The following TTYH2 variants were observed in gnomAD, a reference collection of about 807,000 sequenced individuals.
The protein encoded by TTYH2 is tweety family member 2, also known as protein tweety homolog 2.
TTYH2 carries 49 observed loss-of-function variants against 68.3 expected under a neutral mutation model. The observed-to-expected ratio is 0.72, with a 90% CI of 0.57 to 0.91. The LOEUF (loss-of-function observed/expected upper bound fraction) is 0.91, where lower values mean the gene tolerates loss of function less well. TTYH2 is among the 40% of genes least tolerant of loss of function. The pLI is 0.00. For synonymous variants in TTYH2, 272 were observed against 300.8 expected (o/e 0.90, Z 0.99); for missense variants, 631 against 700.4 (o/e 0.90, Z 1.12).
intron 6 of TTYH2, among the ~76,000 whole-genome samples, chr17:74,244,758 G>A (rs1423125288): frequency 6.6e-6 from 1 of 152,212 alleles, no homozygotes; most frequent in Non-Finnish European, 1.5e-5. Flanking sequence ...CGGAAGCCAA[G>A]AGGACGTGAT....
At chr17:74,258,379 C>T (rs562614479) in intron 13 of TTYH2, among the ~76,000 whole-genome samples, 1 of 150,748 alleles carries the variant, frequency 6.6e-6, no homozygotes, top group Non-Finnish European at 1.5e-5. Flanking sequence ...GATTCTCCTG[C>T]CTCAGCCTCC....
chr17:74,245,305 G>A (rs888417585), intron 6 of TTYH2, among the ~76,000 whole-genome samples: 3 of 152,262 alleles, frequency 2.0e-5, no homozygotes, highest in Admixed American at 6.5e-5. Flanking sequence ...GAGCTGGGAC[G>A]GCTGTAAACA....
chr17:74,224,058 C>T (rs560049380), intron 2 of TTYH2, among the ~76,000 whole-genome samples: 17 of 152,324 alleles, frequency 1.1e-4, no homozygotes, highest in South Asian at 2.1e-4. Flanking sequence ...CGGGAGGTCA[C>T]AGTCGAGTGC....
intron 2 of TTYH2, among the ~76,000 whole-genome samples, chr17:74,227,983 C>CTTTTTTTTTTT (rs35080135): frequency 0.011 from 1,243 of 112,382 alleles, 156 homozygotes; most frequent in African/African-American, 0.054. Flanking sequence ...TCTTTTCTTT[C>CTTTTTTTTTTT]TTTTTTTTTT....
chr17:74,228,456 C>T (rs2050354667), intron 2 of TTYH2, among the ~76,000 whole-genome samples: 1 of 152,152 alleles, frequency 6.6e-6, no homozygotes, highest in African/African-American at 2.4e-5. Flanking sequence ...CAGATGGTCT[C>T]AAGTGGTGCA....
intron 2 of TTYH2, among the ~76,000 whole-genome samples, chr17:74,229,545 T>C (rs1235054138): frequency 6.6e-6 from 1 of 151,558 alleles, no homozygotes; most frequent in African/African-American, 2.4e-5. Context: ...GTTCCTCAGC[T>C]CAAGTCAAAA....
At position 74,232,195 on chromosome 17, in the gene TTYH2, A is replaced by G. The variant is rs1323943955; in HGVS notation, c.414+1196A>G. Among the ~76,000 whole-genome samples the G allele has an allele frequency of 6.6e-6, 1 of 152,162 alleles. No homozygotes were observed. On this transcript the variant is annotated intron_variant, in intron 3 of 13. Transcript: ENST00000269346. The surrounding 1 kb of genome is among the most constrained non-coding windows in gnomAD (Gnocchi z 5.1). ...ATCCTCCAGAAGAGGATTGGACCCCATTTGCCCCCCTCCTGCTCCCTTAAG... is the reference window on the plus strand; with the variant it reads ...ATCCTCCAGAAGAGGATTGGACCCCGTTTGCCCCCCTCCTGCTCCCTTAAG...
intron 13 of TTYH2, among the ~76,000 whole-genome samples, chr17:74,254,627 G>GA (rs1367244924): frequency 2.0e-5 from 3 of 152,170 alleles, no homozygotes; most frequent in South Asian, 2.1e-4. Context: ...TCCCAGACCT[G>GA]AAAAAACCAT....
At chr17:74,227,826 C>T (rs1231936359) in intron 2 of TTYH2, among the ~76,000 whole-genome samples, 1 of 151,230 alleles carries the variant, frequency 6.6e-6, no homozygotes, top group African/African-American at 2.4e-5. Context: ...TTAAAAGGCA[C>T]ATTCCCAGAC....
chr17:74,246,216 G>A (rs2050556313), intron 6 of TTYH2, among the ~76,000 whole-genome samples: 1 of 152,172 alleles, frequency 6.6e-6, no homozygotes, highest in South Asian at 2.1e-4. Context: ...CTCCAGCTAA[G>A]GGGCAGCCAG....
At chr17:74,258,827 G>A (rs1282396606) in intron 13 of TTYH2, among the ~76,000 whole-genome samples, 7 of 152,040 alleles carry the variant, frequency 4.6e-5, no homozygotes, top group African/African-American at 1.7e-4. Flanking sequence ...GCCCCTGGGA[G>A]GTAAAAACAT....
intron 4 of TTYH2, 98 bp downstream of exon 4, chr17:74,237,612 C>T (rs2050457247): frequency 9.2e-7 from 1 of 1,086,440 alleles, no homozygotes; most frequent in African/African-American, 1.6e-5. Context: ...AGAAGGGCCA[C>T]TGGAAAGTAT....
chr17:74,251,846 T>C, intron 10 of TTYH2: 1 of 209,696 alleles, frequency 4.8e-6, no homozygotes, highest in East Asian at 1.3e-4. Flanking sequence ...TGCTGGCCTA[T>C]GTTCTCTCTC....
rs986283892 is a variant in TTYH2 at position 74,217,552 on chromosome 17, C to T, written c.129+3836C>T. ...GAGGTTGGGATGAGGAAGCCCCATT[C>T]ATCCAGTGTGAAATTGAGTCACGGT... On this transcript the variant is annotated intron_variant, in intron 1 of 13. Transcript: ENST00000269346. The surrounding 1 kb of genome is among the most constrained non-coding windows in gnomAD (Gnocchi z 4.0). Among the ~76,000 whole-genome samples, 4 of 152,196 alleles carry T rather than the reference C, an allele frequency of 2.6e-5. No homozygotes were observed. Among genetic ancestry groups the T allele is most frequent in the African/African-American group, 9.7e-5 (4 of 41,446 alleles).
At chr17:74,219,962 AT>A (rs535589474) in intron 1 of TTYH2, among the ~76,000 whole-genome samples, 3,741 of 135,546 alleles carry the variant, frequency 0.028, 57 homozygotes, top group Non-Finnish European at 0.04. Flanking sequence ...ATGATTTGCA[AT>A]TTTTTTTTTT....
Position 74,253,811 on chromosome 17 carries a change from G to A in TTYH2, c.1502G>A (p.Gly501Glu), listed in dbSNP as rs1050725093. 2 of 1,614,082 alleles carry A rather than the reference G, an allele frequency of 1.2e-6. No homozygotes were observed. The highest frequency in any genetic ancestry group is 2.7e-5 in the African/African-American group (2 of 74,932). The change falls in exon 13 of 14, where the codon GGG becomes GAG. Residue 501 changes from glycine (G) to glutamate (E), a missense_variant. Gly to Glu is a moderately conservative substitution (Grantham distance 98). Coordinates refer to ENST00000269346, the MANE Select transcript of TTYH2 (RefSeq NM_032646.6). ...CGCTACGAGAACGTGCCACTAATCGGGAGAGCCTCCCCTCCGCCTACGGTA... is the reference window on the plus strand; with the variant it reads ...CGCTACGAGAACGTGCCACTAATCGAGAGAGCCTCCCCTCCGCCTACGGTA... ...NPRYENVPLI[G>E]RASPPPTYSP...
intron 1 of TTYH2, among the ~76,000 whole-genome samples, chr17:74,219,168 G>A (rs1287451675): frequency 6.6e-6 from 1 of 150,932 alleles, no homozygotes; most frequent in Non-Finnish European, 1.5e-5. Flanking sequence ...AGTCAGCCGA[G>A]ATCACGCTGC....
chr17:74,225,661 C>T (rs1168413295), intron 2 of TTYH2, among the ~76,000 whole-genome samples: 1 of 152,208 alleles, frequency 6.6e-6, no homozygotes, highest in Admixed American at 6.5e-5. Flanking sequence ...GGCTATGTCA[C>T]CAGGGAAGCT....
chr17:74,235,000 G>A (rs998565381), intron 3 of TTYH2, among the ~76,000 whole-genome samples: 2 of 152,068 alleles, frequency 1.3e-5, no homozygotes, highest in Non-Finnish European at 2.9e-5. Context: ...TGTGCTTCGG[G>A]CTGTCGAATC....
Sources: allele counts gnomAD v4.1 joint callset (sites outside exome capture counted in the v4.1 genomes callset), GRCh38; gene constraint gnomAD v4.1.1; non-coding constraint Gnocchi (gnomAD v3.1); transcripts MANE v1.5; gene names NCBI Gene and HGNC (gene_info 2026-07-23, HGNC 2026-07-21).